Variants in STAMBP observed in about 807,000 individuals in gnomAD.
STAMBP encodes STAM-binding protein.
STAMBP carries 31 observed loss-of-function variants against 50.7 expected under a neutral mutation model. The observed-to-expected ratio is 0.61, with a 90% CI of 0.46 to 0.83. The LOEUF is 0.83. STAMBP is among the 40% of genes least tolerant of loss of function. The pLI, the probability that STAMBP is intolerant of heterozygous loss-of-function variation, is 0.00. For synonymous variants in STAMBP, 211 were observed against 192.4 expected, an observed-to-expected ratio of 1.10 and a Z score of -0.80; for missense variants, 472 against 518.9, an observed-to-expected ratio of 0.91 and a Z score of 0.88.
At chr2:73,857,174 G>C (rs1013005214) in intron 7 of STAMBP, among the ~76,000 whole-genome samples, 2 of 152,188 alleles carry the variant, frequency 1.3e-5, no homozygotes, top group Non-Finnish European at 2.9e-5. Context: ...TGATGCCCCA[G>C]ATGGAAGGTT....
At position 73,831,078 on chromosome 2, in the gene STAMBP, C is replaced by G; in HGVS notation, c.203+19C>G. On this transcript the variant is annotated intron_variant, in intron 2 of 9. Coordinates refer to ENST00000394070, the MANE Select transcript of STAMBP (RefSeq NM_213622.4). The stretch of plus-strand genomic sequence containing the variant: ...ATATCACGTAAGACACCTACAGTTT[C>G]CTTTTTCCTTTCTGGTGACTGGTGC... The G allele has an allele frequency of 6.2e-7, 1 of 1,606,482 alleles. No individual in the cohort carries two copies. The highest frequency in any genetic ancestry group is 8.5e-7 in the Non-Finnish European group (1 of 1,173,180).
rs1157891796 is a variant in STAMBP at position 73,835,722 on chromosome 2, G to A, written c.203+4663G>A. ...TGTTTCTGCCTTGAACAACTTAAACGATAGGGTAGTCCATGTATTGAGATG... is the reference window on the plus strand; with the variant it reads ...TGTTTCTGCCTTGAACAACTTAAACAATAGGGTAGTCCATGTATTGAGATG... On this transcript the variant is annotated intron_variant, in intron 2 of 9. Coordinates refer to ENST00000394070, the MANE Select transcript of STAMBP (RefSeq NM_213622.4). 1.3e-5 allele frequency among the ~76,000 whole-genome samples: 2 copies of A among 152,122 alleles called. 1 individual carries two copies. Among genetic ancestry groups the A allele is most frequent in the South Asian group, 4.1e-4 (2 of 4,826 alleles).
At chr2:73,862,097 A>G in intron 9 of STAMBP, 106 bp from the exon 10 acceptor site, 1 of 861,464 alleles carries the variant, frequency 1.2e-6, no homozygotes, top group Non-Finnish European at 1.7e-6. Context: ...AGATCGTGCC[A>G]CTGCACTCCA....
intron 2 of STAMBP, among the ~76,000 whole-genome samples, chr2:73,843,963 C>T (rs1281554666): frequency 6.6e-6 from 1 of 152,122 alleles, no homozygotes; most frequent in Non-Finnish European, 1.5e-5. Context: ...TTCCAGAATC[C>T]GTATGGAAGA....
chr2:73,867,925 G>A (rs1282613095), downstream of STAMBP, among the ~76,000 whole-genome samples: 2 of 152,000 alleles, frequency 1.3e-5, no homozygotes, highest in African/African-American at 4.8e-5. Flanking sequence ...AGGAGTTCAA[G>A]ACCAGCGTGA....
chr2:73,860,145 G>A lies in STAMBP; in HGVS notation c.1212G>A (p.Leu404=). The A allele has an allele frequency of 6.2e-7, 1 of 1,613,332 alleles. No homozygotes were observed. Among genetic ancestry groups the A allele is most frequent in the Non-Finnish European group, 8.5e-7 (1 of 1,179,576 alleles). The change falls in exon 9 of 10, where the codon CTG becomes CTA. Residue 404 remains leucine, a synonymous_variant. Transcript: ENST00000394070. The part of the protein sequence containing the change: ...GFHPHSKDPP[L]FCSCSHVTVV... ...ATCCACACAGCAAGGATCCACCTCT[G>A]TTCTGTGTACGTATCTATGTAAAAG... is the stretch of plus-strand genomic sequence containing the variant.
At chr2:73,845,496 C>T (rs769014299) in intron 4 of STAMBP, among the ~76,000 whole-genome samples, 1 of 152,218 alleles carries the variant, frequency 6.6e-6, no homozygotes, top group Non-Finnish European at 1.5e-5. Flanking sequence ...TGTCGCCTAC[C>T]TGCTATGTCT....
Position 73,865,489 on chromosome 2 carries a change from G to C in STAMBP, c.*3230G>C, listed in dbSNP as rs1418545170. On this transcript the variant is annotated 3_prime_UTR_variant, in exon 10 of 10. Coordinates refer to ENST00000394070, the MANE Select transcript of STAMBP (RefSeq NM_213622.4). ...CTGAGGAGCTTTGCTTGGGGCACTG[G>C]AAATCCTGTTTAGATCAGGACTATT... 1 of 152,208 alleles carries C rather than the reference G, an allele frequency of 6.6e-6. No homozygotes were observed. The highest frequency in any genetic ancestry group is 1.5e-5 in the Non-Finnish European group (1 of 68,046). The allele number at this position is 152,208 out of a possible 1,614,324, so 9.4% of individuals were successfully genotyped here.
At chr2:73,837,790 A>T (rs1330178420) in intron 2 of STAMBP, among the ~76,000 whole-genome samples, 2 of 152,260 alleles carry the variant, frequency 1.3e-5, no homozygotes, top group Non-Finnish European at 1.5e-5. Flanking sequence ...AACATAAAAG[A>T]TCAAGTATCT....
rs1676658031 is a variant in STAMBP, at chr2:73,850,366, C to T, written c.868-10C>T. ...AGGGAATTGTGACCAGCTGTTTTCTCCTTTGGCAGATGAGGAATGAATTTA... is the reference window on the plus strand; with the variant it reads ...AGGGAATTGTGACCAGCTGTTTTCTTCTTTGGCAGATGAGGAATGAATTTA... On this transcript the variant is annotated splice_polypyrimidine_tract_variant and intron_variant, in intron 6 of 9. Coordinates refer to ENST00000394070, the MANE Select transcript of STAMBP (RefSeq NM_213622.4). The surrounding 1 kb of genome is among the most constrained non-coding windows in gnomAD (Gnocchi z 4.3). The T allele has an allele frequency of 6.2e-7, 1 of 1,603,236 alleles. No individual in the cohort carries two copies. The highest frequency in any genetic ancestry group is 8.5e-7 in the Non-Finnish European group (1 of 1,174,774).
In STAMBP at chr2:73,849,252, T is replaced by C. The variant is rs551680015; in HGVS notation, c.743-111T>C. ...TGAGATCCCTACTCACTGCCTGAAG[T>C]TGGGGGAATCCCAGTGGCTTAATGT... is the stretch of plus-strand genomic sequence containing the variant. On this transcript the variant is annotated intron_variant, in intron 5 of 9. Coordinates refer to ENST00000394070, the MANE Select transcript of STAMBP (RefSeq NM_213622.4). The C allele has an allele frequency of 9.6e-5, 147 of 1,533,228 alleles. 1 individual carries two copies. In the South Asian group the frequency reaches 1.6e-3, roughly 16 times the overall value. The allele number at this position is 1,533,228 out of a possible 1,614,324, so 95.0% of individuals were successfully genotyped here.
In STAMBP at chr2:73,873,049, TCTA is replaced by T. The variant is rs1679262165; in HGVS notation, c.*46-300_*46-298del. 2.0e-5 allele frequency among the ~76,000 whole-genome samples: 3 copies of T among 152,192 alleles called. No individual in the cohort carries two copies. In the South Asian group the frequency reaches 6.2e-4, roughly 31 times the overall value. On this transcript the variant is annotated intron_variant, in intron 10 of 10. Transcript: ENST00000409707. ...AAGCACAAGATATGGTAAATGTAAT[TCTA>T]CTGGAACTGTGGTGAGTGTGGGGAA...
rs11888468 is a variant in STAMBP, at chr2:73,859,423, T to G, written c.1118+57T>G. ...CAAGGGGGTAGTAGGGAAGAAAGCC[T>G]CAGGGGAAAAGGTCTCTATTCTTGT... On this transcript the variant is annotated intron_variant, in intron 8 of 9. Transcript: ENST00000394070. 62,539 of 1,367,568 alleles carry G rather than the reference T, an allele frequency of 0.046. 1,740 individuals carry two copies. The highest frequency in any genetic ancestry group is 0.053 in the Non-Finnish European group (51,023 of 955,672). 84.7% of individuals were successfully genotyped at this position (1,367,568 alleles called of 1,614,324 possible).
downstream of STAMBP, among the ~76,000 whole-genome samples, chr2:73,869,374 A>G (rs1191479251): frequency 6.6e-6 from 1 of 152,222 alleles, no homozygotes; most frequent in East Asian, 1.9e-4. Context: ...AGGAACATGA[A>G]GAAAATAAAT....
At chr2:73,829,811 A>G (rs1331414058) in intron 1 of STAMBP, among the ~76,000 whole-genome samples, 5 of 152,230 alleles carry the variant, frequency 3.3e-5, no homozygotes, top group Admixed American at 3.3e-4. Context: ...TAGAAAAGAA[A>G]AACTGGATAG....
intron 7 of STAMBP, among the ~76,000 whole-genome samples, chr2:73,858,045 C>T (rs56381087): frequency 0.029 from 4,411 of 151,714 alleles, 83 homozygotes; most frequent in Non-Finnish European, 0.044. Context: ...TGCAGTGGCG[C>T]GATCTCGGCT....
intron 2 of STAMBP, among the ~76,000 whole-genome samples, chr2:73,840,075 T>C (rs778186051): frequency 6.6e-6 from 1 of 152,194 alleles, no homozygotes; most frequent in Non-Finnish European, 1.5e-5. Context: ...TTAATGACTT[T>C]CCTAGCATAC....
intron 2 of STAMBP, among the ~76,000 whole-genome samples, chr2:73,843,411 T>C (rs1199456675): frequency 7.3e-6 from 1 of 137,518 alleles, no homozygotes; most frequent in Non-Finnish European, 1.5e-5. Flanking sequence ...TGTATGTATA[T>C]ATATATATGT....
rs1678844991 is a variant in STAMBP, at chr2:73,865,975, G to A, written c.*3716G>A. ...CTCCCTAAGACCCAGAGCAGACCCA[G>A]GACCTAAAGAAATTACATCATCTCT... On this transcript the variant is annotated 3_prime_UTR_variant, in exon 10 of 10. Transcript: ENST00000394070. 1 of 152,220 alleles carries A rather than the reference G, an allele frequency of 6.6e-6. No individual in the cohort carries two copies. Among genetic ancestry groups the A allele is most frequent in the African/African-American group, 2.4e-5 (1 of 41,452 alleles). 9.4% of individuals were successfully genotyped at this position (152,220 alleles called of 1,614,324 possible). A position where few individuals can be genotyped will look rare whatever the true frequency, so the allele number is the denominator to read the frequency against.
Sources: allele counts gnomAD v4.1 joint callset (sites outside exome capture counted in the v4.1 genomes callset), GRCh38; gene constraint gnomAD v4.1.1; non-coding constraint Gnocchi (gnomAD v3.1); transcripts MANE v1.5; gene names NCBI Gene and HGNC (gene_info 2026-07-23, HGNC 2026-07-21).